Variants in DMXL1 observed in about 807,000 individuals in gnomAD.
DMXL1 encodes dmX-like protein 1.
A neutral mutation model predicts 319.2 loss-of-function variants in DMXL1; 99 were observed. That is an observed-to-expected ratio of 0.31 (90% CI 0.26 to 0.37). DMXL1 has a LOEUF of 0.37. DMXL1 is among the 10% of genes least tolerant of loss of function. The pLI is 1.00. For synonymous variants in DMXL1, 1,385 were observed against 1,235.2 expected (o/e 1.12, Z -2.54); for missense variants, 3,745 against 3,595.6 (o/e 1.04, Z -1.06).
intron 3 of DMXL1, 75 bp downstream of exon 3, chr5:119,102,081 C>A: frequency 1.1e-6 from 1 of 928,362 alleles, no homozygotes; most frequent in South Asian, 1.5e-5. Context: ...TCAGAGTGAT[C>A]ATTGAGTAAA....
rs1251738261 is a variant in DMXL1, at chr5:119,178,555, C to A, written c.7135+311C>A. The A allele has an allele frequency of 3.2e-6, 3 of 946,972 alleles. No individual in the cohort carries two copies. In the African/African-American group the frequency reaches 5.3e-5, roughly 17 times the overall value. The allele number at this position is 946,972 out of a possible 1,614,324, so 58.7% of individuals were successfully genotyped here. ...TTTTGTTCTATCCCAAATACGGATT[C>A]TTTCTTCTTTCTTTGGCAGGAAGGC... On this transcript the variant is annotated intron_variant, in intron 28 of 43. Transcript: ENST00000539542.
chr5:119,077,820 G>A (rs1198655511), intron 1 of DMXL1, among the ~76,000 whole-genome samples: 1 of 134,680 alleles, frequency 7.4e-6, no homozygotes, highest in Non-Finnish European at 1.6e-5. Flanking sequence ...GACCCTATCT[G>A]TACTTAAAAA....
At chr5:119,110,525 A>G (rs1759344501) in intron 5 of DMXL1, among the ~76,000 whole-genome samples, 1 of 152,242 alleles carries the variant, frequency 6.6e-6, no homozygotes, top group Admixed American at 6.5e-5. Context: ...ACCATTAAAT[A>G]CAAACTTGCC....
chr5:119,202,092 A>AT (rs1780808368), intron 32 of DMXL1, among the ~76,000 whole-genome samples: 4 of 151,470 alleles, frequency 2.6e-5, no homozygotes, highest in Admixed American at 2.6e-4. Flanking sequence ...GATATTTGTT[A>AT]TTTTTTATCT....
Position 119,176,357 on chromosome 5 carries a change from T to C in DMXL1, c.6759-1000T>C, listed in dbSNP as rs545320427. ...TGGTTGTCTGTCCAGTTTGTGTTTT[T>C]GAATTTTCTGTGGGTAGCCTTACTT... On this transcript the variant is annotated intron_variant, in intron 26 of 43. Transcript: ENST00000539542. Among the ~76,000 whole-genome samples the C allele has an allele frequency of 2.0e-4, 30 of 152,212 alleles. No individual in the cohort carries two copies. The South Asian group carries it at 4.1e-3, about 21-fold the overall frequency.
chr5:119,170,062 G>T, intron 23 of DMXL1, 128 bp from the exon 24 acceptor site: 1 of 797,150 alleles, frequency 1.3e-6, no homozygotes, highest in South Asian at 2.0e-5. Flanking sequence ...GGATCATTGT[G>T]GCCTATTAGT....
intron 1 of DMXL1, among the ~76,000 whole-genome samples, chr5:119,086,706 A>G (rs1471764733): frequency 2.0e-5 from 3 of 152,106 alleles, no homozygotes; most frequent in Non-Finnish European, 4.4e-5. Flanking sequence ...ACTTTTTATT[A>G]TGGCTTCCAT....
intron 1 of DMXL1, among the ~76,000 whole-genome samples, chr5:119,080,407 C>T (rs544317434): frequency 1.3e-5 from 2 of 152,218 alleles, no homozygotes; most frequent in Admixed American, 6.5e-5. Flanking sequence ...CCTTGGTGCA[C>T]CTTCCAACCC....
At chr5:119,102,587 A>G (rs1007944465) in intron 3 of DMXL1, among the ~76,000 whole-genome samples, 6 of 152,184 alleles carry the variant, frequency 3.9e-5, no homozygotes, top group African/African-American at 1.4e-4. Flanking sequence ...AGGCTGAGGC[A>G]GGAGGATTGC....
chr5:119,110,911 C>T (rs142563623), intron 5 of DMXL1, among the ~76,000 whole-genome samples: 4 of 152,318 alleles, frequency 2.6e-5, no homozygotes, highest in African/African-American at 4.8e-5. Context: ...GCCTCAGCCT[C>T]CTGAGGCACT....
chr5:119,119,200 GTTACTCT>G (rs1761491613), intron 8 of DMXL1, among the ~76,000 whole-genome samples, 196 bp downstream of exon 8: 1 of 152,100 alleles, frequency 6.6e-6, no homozygotes, highest in African/African-American at 2.4e-5. Context: ...TAATTATGAA[GTTACTCT>G]TAGGTTTACT....
chr5:119,240,425 A>C lies in DMXL1; in HGVS notation c.8658A>C (p.Val2886=). The change falls in exon 42 of 44, where the codon GTA becomes GTC. Residue 2886 remains valine (V), a synonymous_variant. Transcript: ENST00000539542. ...TCTTTTTTTTTTTTTCCAGAAACGT[A>C]TGTTTGTGGGATACTCTTGTAGCAC... ...TAGLSTDNRN[V]CLWDTLVAPA... 1 of 1,586,252 alleles carries C rather than the reference A, an allele frequency of 6.3e-7. No individual in the cohort carries two copies. The highest frequency in any genetic ancestry group is 8.6e-7 in the Non-Finnish European group (1 of 1,167,150).
intron 9 of DMXL1, chr5:119,127,960 A>G: frequency 2.6e-6 from 1 of 385,314 alleles, no homozygotes; most frequent in Non-Finnish European, 5.3e-6. Flanking sequence ...CCATGTCCTG[A>G]AGGAGAAATG....
At chr5:119,126,077 A>T (rs1248414507) in intron 9 of DMXL1, among the ~76,000 whole-genome samples, 4 of 152,110 alleles carry the variant, frequency 2.6e-5, no homozygotes, top group African/African-American at 9.7e-5. Context: ...TGAAGTCAGG[A>T]ATTTGAAACC....
chr5:119,094,460 A>G lies in DMXL1; in HGVS notation c.88-3519A>G, dbSNP rs183514461. Among the ~76,000 whole-genome samples, 108 of 152,308 alleles carry G rather than the reference A, an allele frequency of 7.1e-4. 1 individual carries two copies. In the East Asian group the frequency reaches 0.019, roughly 26 times the overall value. Reference sequence around the variant, plus strand: ...TGCTGAGAAAAAAGATTTCCTTTCAAAATATTGCTGTTCATTGACAATGAC... The same window carrying G: ...TGCTGAGAAAAAAGATTTCCTTTCAGAATATTGCTGTTCATTGACAATGAC... On this transcript the variant is annotated intron_variant, in intron 1 of 43. Coordinates refer to ENST00000539542, the MANE Select transcript of DMXL1 (RefSeq NM_001290321.3).
intron 34 of DMXL1, among the ~76,000 whole-genome samples, chr5:119,212,381 C>G (rs1289482599): frequency 6.6e-6 from 1 of 152,180 alleles, no homozygotes; most frequent in Non-Finnish European, 1.5e-5. Flanking sequence ...TAGCATGTGT[C>G]AGAATTTCCT....
chr5:119,075,147 T>A (rs919897508), intron 1 of DMXL1, among the ~76,000 whole-genome samples: 5 of 152,276 alleles, frequency 3.3e-5, no homozygotes, highest in Admixed American at 6.5e-5. Context: ...AGAAACCTTA[T>A]AGTAATATAA....
intron 32 of DMXL1, among the ~76,000 whole-genome samples, chr5:119,199,659 T>C (rs573068533): frequency 4.6e-5 from 7 of 152,352 alleles, no homozygotes; most frequent in African/African-American, 1.4e-4. Context: ...TCCACAATGA[T>C]TGAAGTAATT....
intron 8 of DMXL1, among the ~76,000 whole-genome samples, chr5:119,119,398 G>C (rs767162571): frequency 2.0e-5 from 3 of 152,168 alleles, no homozygotes; most frequent in Non-Finnish European, 2.9e-5. Context: ...CCCAGAACTT[G>C]GGGTCTTTAC....
Sources: gnomAD v4.1 joint callset for allele counts (sites outside exome capture counted in the v4.1 genomes callset) on GRCh38, gnomAD v4.1.1 for gene constraint, MANE v1.5 for transcripts, NCBI Gene and HGNC (gene_info 2026-07-23, HGNC 2026-07-21) for gene names.